The following CHCHD3 variants were observed in gnomAD, a reference collection of about 807,000 sequenced individuals.
CHCHD3 encodes the protein MICOS complex subunit MIC19.
Under a neutral mutation model 38.2 loss-of-function variants are expected in CHCHD3, and 20 were observed. That is an observed-to-expected ratio of 0.52 (90% CI 0.37 to 0.76). The LOEUF is 0.76. CHCHD3 is among the 30% of genes least tolerant of loss of function. The pLI, the probability that CHCHD3 is intolerant of heterozygous loss-of-function variation, is 0.00. For synonymous variants in CHCHD3, 82 were observed against 100.0 expected (o/e 0.82, Z 1.07); for missense variants, 245 against 279.2 (o/e 0.88, Z 0.87).
At chr7:133,015,152 TC>T (rs1318092146) in intron 3 of CHCHD3, among the ~76,000 whole-genome samples, 1 of 151,862 alleles carries the variant, frequency 6.6e-6, no homozygotes, top group Non-Finnish European at 1.5e-5. Context: ...GACCAGCCTG[TC>T]CAACATGGCG....
chr7:133,064,922 G>A (rs186787455), intron 2 of CHCHD3, among the ~76,000 whole-genome samples: 76 of 152,086 alleles, frequency 5.0e-4, no homozygotes, highest in Non-Finnish European at 6.3e-4. Flanking sequence ...ATTCTTCAGC[G>A]GTAGGTAGGG....
Position 132,915,955 on chromosome 7 carries a change from A to T in CHCHD3, c.370-30210T>A, listed in dbSNP as rs144678638. On this transcript the variant is annotated intron_variant, in intron 4 of 7. Transcript: ENST00000262570. ...TTTTTTTTAATTTTTTAATAAAAAA[A>T]TTTTTTTTTTTTTTGGTAAAGCAAA... is the stretch of plus-strand genomic sequence containing the variant. Among the ~76,000 whole-genome samples, 1,140 of 145,078 alleles carry T rather than the reference A, an allele frequency of 7.9e-3. 16 individuals are homozygous for T. Among genetic ancestry groups the T allele is most frequent in the African/African-American group, 0.02 (808 of 39,780 alleles).
In CHCHD3 at chr7:132,882,461, CTATATATATATA is replaced by C. The variant is rs71178065; in HGVS notation, c.453+3189_453+3200del. On this transcript the variant is annotated intron_variant, in intron 5 of 7. Coordinates refer to ENST00000262570, the MANE Select transcript of CHCHD3 (RefSeq NM_017812.4). ...TCTTCAAAAAGGAAAACAATATATT[CTATATATATATA>C]TATATATATATATATATATATATAT... 2.4e-3 allele frequency among the ~76,000 whole-genome samples: 329 copies of C among 135,004 alleles called. 1 individual carries two copies. The highest frequency in any genetic ancestry group is 3.6e-3 in the Non-Finnish European group (223 of 62,002). The allele number at this position is 135,004 out of a possible 152,430, so 88.6% of individuals were successfully genotyped here.
chr7:132,887,897 T>C (rs899181922), intron 4 of CHCHD3, among the ~76,000 whole-genome samples: 1 of 151,970 alleles, frequency 6.6e-6, no homozygotes, highest in East Asian at 1.9e-4. Context: ...AATTAACAAG[T>C]CTTTAAAATA....
chr7:132,954,837 C>T (rs540277269), intron 4 of CHCHD3, among the ~76,000 whole-genome samples: 3 of 152,252 alleles, frequency 2.0e-5, no homozygotes, highest in South Asian at 2.1e-4. Flanking sequence ...CTTGCCCTGA[C>T]GGAGGCTCAT....
chr7:133,034,815 C>T (rs368390110), intron 2 of CHCHD3: 36 of 1,611,996 alleles, frequency 2.2e-5, no homozygotes, highest in East Asian at 2.0e-4. Context: ...AGAAATGGAG[C>T]TGCTATTGTT....
chr7:132,837,369 A>T (rs1200076449), intron 6 of CHCHD3, among the ~76,000 whole-genome samples: 1 of 152,214 alleles, frequency 6.6e-6, no homozygotes, highest in African/African-American at 2.4e-5. Context: ...TAAATTCTTA[A>T]GATCTCACAT....
chr7:132,938,507 A>C (rs1051259596), intron 4 of CHCHD3, among the ~76,000 whole-genome samples: 1 of 152,172 alleles, frequency 6.6e-6, no homozygotes, highest in African/African-American at 2.4e-5. Flanking sequence ...GTCACTTGAA[A>C]TTTAATTTTG....
chr7:133,029,979 A>G (rs2160897), intron 2 of CHCHD3, among the ~76,000 whole-genome samples: 66,212 of 151,460 alleles, frequency 0.44, 15,156 homozygotes, highest in African/African-American at 0.57. Context: ...AAGCACAGCT[A>G]TCTTTCTAAT....
intron 4 of CHCHD3, among the ~76,000 whole-genome samples, chr7:132,958,314 T>G (rs1811230905): frequency 1.3e-5 from 2 of 152,214 alleles, no homozygotes; most frequent in Admixed American, 1.3e-4. Context: ...CTGAAATGTA[T>G]TTTGTAAATT....
intron 6 of CHCHD3, chr7:132,815,646 AGT>A (rs1394912787): frequency 2.0e-5 from 9 of 453,802 alleles, no homozygotes; most frequent in Non-Finnish European, 4.0e-5. Flanking sequence ...TAGGAAAAAA[AGT>A]GAAAAGAGAA....
chr7:132,961,058 C>T (rs1811304720), intron 4 of CHCHD3, among the ~76,000 whole-genome samples: 1 of 152,074 alleles, frequency 6.6e-6, no homozygotes, highest in African/African-American at 2.4e-5. Flanking sequence ...AAAGGAGGCT[C>T]GATTGAGCCC....
Position 132,866,285 on chromosome 7 carries a change from G to T in CHCHD3, c.453+19377C>A, listed in dbSNP as rs181894973. Reference sequence around the variant, plus strand: ...GAGTATGTGAGCTTAGACTGCCAGGGTTCACTTCCTGGTTTTGCCACTTAC... The same window carrying T: ...GAGTATGTGAGCTTAGACTGCCAGGTTTCACTTCCTGGTTTTGCCACTTAC... On this transcript the variant is annotated intron_variant, in intron 5 of 7. Coordinates refer to ENST00000262570, the MANE Select transcript of CHCHD3 (RefSeq NM_017812.4). 1.7e-3 allele frequency among the ~76,000 whole-genome samples: 262 copies of T among 152,230 alleles called. 1 individual carries two copies. The highest frequency in any genetic ancestry group is 3.7e-3 in the South Asian group (18 of 4,816).
intron 7 of CHCHD3, among the ~76,000 whole-genome samples, chr7:132,793,164 C>T (rs145608207): frequency 2.3e-4 from 35 of 152,250 alleles, no homozygotes; most frequent in Middle Eastern, 6.8e-3. Context: ...TTCATAGGCA[C>T]GCTCAGAGGA....
chr7:132,906,822 CAT>C (rs1809814794), intron 4 of CHCHD3, among the ~76,000 whole-genome samples: 1 of 152,150 alleles, frequency 6.6e-6, no homozygotes, highest in Admixed American at 6.5e-5. Context: ...TGAAACGTAA[CAT>C]AAAACTATTA....
chr7:132,855,658 T>C (rs1381435082), intron 5 of CHCHD3, among the ~76,000 whole-genome samples: 1 of 152,128 alleles, frequency 6.6e-6, no homozygotes, highest in African/African-American at 2.4e-5. Flanking sequence ...CAGAAGGCAG[T>C]GTGCAGGATT....
chr7:132,785,465 A>G lies in CHCHD3; in HGVS notation c.*172T>C. 3.0e-6 allele frequency: 2 copies of G among 671,260 alleles called. No homozygotes were observed. The highest frequency in any genetic ancestry group is 3.8e-5 in the South Asian group (2 of 52,644). The allele number at this position is 671,260 out of a possible 1,614,324, so 41.6% of individuals were successfully genotyped here. A position where few individuals can be genotyped will look rare whatever the true frequency, so the allele number is the denominator to read the frequency against. On this transcript the variant is annotated 3_prime_UTR_variant, in exon 8 of 8. Coordinates refer to ENST00000262570, the MANE Select transcript of CHCHD3 (RefSeq NM_017812.4). ...CCTGATCAAGGCTTTGGCCCTTCAA[A>G]CTGCTGCTGTTCAAAACGTGAAATG... is the stretch of plus-strand genomic sequence containing the variant.
At chr7:132,797,988 A>G (rs1026449794) in intron 6 of CHCHD3, among the ~76,000 whole-genome samples, 9 of 152,326 alleles carry the variant, frequency 5.9e-5, no homozygotes, top group Admixed American at 2.0e-4. Flanking sequence ...TTATTTCCAT[A>G]GTAATCTTGA....
intron 4 of CHCHD3, among the ~76,000 whole-genome samples, chr7:132,962,487 C>G (rs1050353344): frequency 2.6e-5 from 4 of 152,090 alleles, no homozygotes; most frequent in African/African-American, 9.7e-5. Context: ...TGGAGTTGTA[C>G]CTGGACGGGA....
Sources: allele counts gnomAD v4.1 joint callset (sites outside exome capture counted in the v4.1 genomes callset), GRCh38; gene constraint gnomAD v4.1.1; transcripts MANE v1.5; gene names NCBI Gene and HGNC (gene_info 2026-07-23, HGNC 2026-07-21).